Variants in IL1RAPL1 observed in about 807,000 individuals in gnomAD.
The protein encoded by IL1RAPL1 is interleukin 1 receptor accessory protein like 1, also known as interleukin-1 receptor accessory protein-like 1.
IL1RAPL1 carries 3 observed loss-of-function variants against 48.4 expected under a neutral mutation model. The ratio of observed to expected loss-of-function variants is 0.06; its 90% CI spans 0.03 to 0.16. The LOEUF (loss-of-function observed/expected upper bound fraction) is 0.16. Among genes scored for constraint, IL1RAPL1 ranks in the 10% least tolerant of loss-of-function variants. The pLI is 1.00. For synonymous variants in IL1RAPL1, 185 were observed against 187.7 expected (o/e 0.99, Z 0.12); for missense variants, 349 against 530.6 (o/e 0.66, Z 3.36).
Position 29,803,188 on chromosome X carries a change from TATGTATACATATACACAC to T in IL1RAPL1, c.779-114268_779-114251del, listed in dbSNP as rs1569173806. Among the ~76,000 whole-genome samples, 135 of 28,670 alleles carry T rather than the reference TATGTATACATATACACAC, an allele frequency of 4.7e-3. 7 individuals carry two copies. The highest frequency in any genetic ancestry group is 8.6e-3 in the Non-Finnish European group (127 of 14,777). 24.9% of individuals were successfully genotyped at this position (28,670 alleles called of 115,157 possible). On this transcript the variant is annotated intron_variant, in intron 6 of 10. Coordinates refer to ENST00000378993, the MANE Select transcript of IL1RAPL1 (RefSeq NM_014271.4). ...ACACATATGCATACATATATGTATATATGTATACATATACACACATGTATATATGTATACATATACACA... is the reference window on the plus strand; with the variant it reads ...ACACATATGCATACATATATGTATATATGTATATATGTATACATATACACA...
In IL1RAPL1 at chrX:29,897,502, A is replaced by G. The variant is rs188434874; in HGVS notation, c.779-19962A>G. 8.9e-5 allele frequency among the ~76,000 whole-genome samples: 10 copies of G among 112,083 alleles called. No homozygotes were observed. In the Admixed American group the frequency reaches 9.5e-4, roughly 11 times the overall value. On this transcript the variant is annotated intron_variant, in intron 6 of 10. Transcript: ENST00000378993. ...AGAGCTATAGAATGTAGCCTTATTT[A>G]TTGTTATGTAAACCAGTAAAACTTA...
At chrX:28,910,136 T>C (rs751412133) in intron 2 of IL1RAPL1, among the ~76,000 whole-genome samples, 5 of 111,399 alleles carry the variant, frequency 4.5e-5, no homozygotes, top group East Asian at 2.8e-4. Context: ...ATAGTAACCA[T>C]TGAAAAAAGA....
chrX:29,151,366 G>T (rs1199698380), intron 2 of IL1RAPL1, among the ~76,000 whole-genome samples: 1 of 111,782 alleles, frequency 8.9e-6, no homozygotes, highest in African/African-American at 3.3e-5. Context: ...GTGTAGTTTT[G>T]AACTGGATAG....
chrX:28,964,314 CT>C (rs980715189), intron 2 of IL1RAPL1, among the ~76,000 whole-genome samples: 2 of 110,955 alleles, frequency 1.8e-5, no homozygotes, highest in African/African-American at 3.3e-5. Flanking sequence ...TAACTGGCTT[CT>C]TTTTTTTACA....
chrX:29,086,253 G>C (rs1927949383), intron 2 of IL1RAPL1, among the ~76,000 whole-genome samples: 1 of 112,221 alleles, frequency 8.9e-6, no homozygotes, highest in South Asian at 3.7e-4. Flanking sequence ...CCTACGTTTA[G>C]TCTGAATAAC....
intron 6 of IL1RAPL1, among the ~76,000 whole-genome samples, chrX:29,821,363 T>C (rs774204541): frequency 9.0e-6 from 1 of 110,510 alleles, no homozygotes; most frequent in Non-Finnish European, 1.9e-5. Flanking sequence ...GGCAGGAGAA[T>C]GGCGTGACCC....
chrX:28,718,295 T>C (rs1177360892), intron 1 of IL1RAPL1, among the ~76,000 whole-genome samples: 1 of 112,038 alleles, frequency 8.9e-6, no homozygotes, highest in African/African-American at 3.2e-5. Flanking sequence ...TAATGTTCTT[T>C]ATTCATTTTT....
intron 2 of IL1RAPL1, among the ~76,000 whole-genome samples, chrX:28,974,340 A>AT (rs765379271): frequency 8.9e-6 from 1 of 112,331 alleles, no homozygotes; most frequent in African/African-American, 3.2e-5. Flanking sequence ...TAAACGTCCA[A>AT]TTTTTGTTGT....
chrX:29,714,784 T>G (rs1225531883), intron 6 of IL1RAPL1, among the ~76,000 whole-genome samples: 1 of 112,117 alleles, frequency 8.9e-6, no homozygotes, highest in Non-Finnish European at 1.9e-5. Context: ...TCTTCTTACC[T>G]TGTATTTCTG....
intron 2 of IL1RAPL1, among the ~76,000 whole-genome samples, chrX:29,203,730 T>G (rs1261226224): frequency 0.035 from 429 of 12,362 alleles, 15 homozygotes; most frequent in African/African-American, 0.067. Context: ...AAAATATATA[T>G]ATATATATAT....
chrX:29,489,599 A>G (rs1323309010), intron 5 of IL1RAPL1, among the ~76,000 whole-genome samples: 1 of 112,049 alleles, frequency 8.9e-6, no homozygotes, highest in Non-Finnish European at 1.9e-5. Flanking sequence ...TTCAAAGAGT[A>G]GTTTCTTATA....
intron 6 of IL1RAPL1, among the ~76,000 whole-genome samples, chrX:29,813,149 A>G: frequency 8.9e-6 from 1 of 112,053 alleles, no homozygotes; most frequent in South Asian, 3.7e-4. Flanking sequence ...TTAATAAAGG[A>G]AAATATATAT....
chrX:28,927,544 G>A (rs192664194), intron 2 of IL1RAPL1, among the ~76,000 whole-genome samples: 3 of 110,100 alleles, frequency 2.7e-5, no homozygotes, highest in Non-Finnish European at 3.8e-5. Context: ...TATTTACCTC[G>A]TATTCTCTTT....
At chrX:29,594,288 A>G (rs1923472966) in intron 5 of IL1RAPL1, among the ~76,000 whole-genome samples, 1 of 111,950 alleles carries the variant, frequency 8.9e-6, no homozygotes, top group South Asian at 3.7e-4. Flanking sequence ...CCCATGTCTG[A>G]ACAAGAATCG....
At chrX:29,277,928 T>A (rs1932143336) in intron 2 of IL1RAPL1, among the ~76,000 whole-genome samples, 1 of 111,938 alleles carries the variant, frequency 8.9e-6, no homozygotes, top group Admixed American at 9.5e-5. Context: ...ATCTACATTT[T>A]GACTGTAACC....
chrX:29,811,440 GT>G (rs749611607), intron 6 of IL1RAPL1, among the ~76,000 whole-genome samples: 2,880 of 97,893 alleles, frequency 0.029, 96 homozygotes, highest in African/African-American at 0.094. Flanking sequence ...GCCTTTTCAC[GT>G]TTTTTTTTTT....
intron 2 of IL1RAPL1, among the ~76,000 whole-genome samples, chrX:28,969,882 AACACATATATATGTTTCTAAAC>A (rs1925016614): frequency 2.2e-5 from 2 of 91,837 alleles, no homozygotes. Flanking sequence ...TATGTTTCTA[AACACATATATATGTTTCTAAAC>A]ACACATATAT....
chrX:29,223,675 G>T (rs760731757), intron 2 of IL1RAPL1, among the ~76,000 whole-genome samples: 6 of 108,731 alleles, frequency 5.5e-5, no homozygotes, highest in Non-Finnish European at 9.5e-5. Context: ...CTCCTGAGTA[G>T]GTGGGGTTAC....
At chrX:29,018,611 T>C (rs1254951156) in intron 2 of IL1RAPL1, among the ~76,000 whole-genome samples, 1 of 112,084 alleles carries the variant, frequency 8.9e-6, no homozygotes, top group African/African-American at 3.2e-5. Flanking sequence ...TGTAGGTAGA[T>C]CAGTAACCAC....
Sources: gnomAD v4.1 joint callset for allele counts (sites outside exome capture counted in the v4.1 genomes callset) on GRCh38, gnomAD v4.1.1 for gene constraint, MANE v1.5 for transcripts, NCBI Gene and HGNC (gene_info 2026-07-23, HGNC 2026-07-21) for gene names.